The following ATF6 variants were observed in gnomAD, a reference collection of about 807,000 sequenced individuals.
ATF6 encodes activating transcription factor 6, also known as cyclic AMP-dependent transcription factor ATF-6 alpha.
Under a neutral mutation model 83.6 loss-of-function variants are expected in ATF6, and 53 were observed. The ratio of observed to expected loss-of-function variants is 0.63; its 90% CI spans 0.51 to 0.80. The LOEUF (loss-of-function observed/expected upper bound fraction) is 0.80, where lower values mean the gene tolerates loss of function less well. Ranked by LOEUF, ATF6 falls within the 30% of genes least tolerant of loss-of-function variation. ATF6 has a pLI of 0.00. For missense variants in ATF6, 744 were observed against 797.9 expected (o/e 0.93, Z 0.81); for synonymous variants, 288 against 285.8 (o/e 1.01, Z -0.08).
At chr1:161,954,153 A>G (rs999871283) in intron 15 of ATF6, among the ~76,000 whole-genome samples, 4 of 152,152 alleles carry the variant, frequency 2.6e-5, no homozygotes, top group South Asian at 2.1e-4. Context: ...ATTGAAAATT[A>G]TAAGTAAGAA....
At chr1:161,852,776 T>A (rs1003533920) in intron 11 of ATF6, among the ~76,000 whole-genome samples, 2 of 152,164 alleles carry the variant, frequency 1.3e-5, no homozygotes, top group Middle Eastern at 3.4e-3. Context: ...CCATGCCCAG[T>A]TAATTTTTTA....
chr1:161,929,883 C>T (rs1688396727), intron 15 of ATF6, among the ~76,000 whole-genome samples: 1 of 152,172 alleles, frequency 6.6e-6, no homozygotes, highest in Non-Finnish European at 1.5e-5. Context: ...TTGGTCTGTG[C>T]AGGTACAGGC....
At chr1:161,791,151 G>T (rs1352558434) in intron 4 of ATF6, among the ~76,000 whole-genome samples, 11 of 150,724 alleles carry the variant, frequency 7.3e-5, no homozygotes, top group Non-Finnish European at 3.0e-5. Context: ...AGGAAGAAAT[G>T]TAGCAACAGA....
intron 9 of ATF6, among the ~76,000 whole-genome samples, chr1:161,841,010 C>T (rs943093421): frequency 3.3e-5 from 5 of 152,170 alleles, no homozygotes; most frequent in Non-Finnish European, 7.3e-5. Flanking sequence ...ATTCATTATA[C>T]TAATCCTTAC....
intron 7 of ATF6, among the ~76,000 whole-genome samples, chr1:161,818,924 G>A (rs1685682014): frequency 6.6e-6 from 1 of 152,194 alleles, no homozygotes; most frequent in African/African-American, 2.4e-5. Context: ...TGGACAGGAT[G>A]AGATGGAACA....
intron 14 of ATF6, among the ~76,000 whole-genome samples, chr1:161,888,672 C>T (rs1687482943): frequency 6.6e-6 from 1 of 152,186 alleles, no homozygotes; most frequent in Admixed American, 6.5e-5. Flanking sequence ...TCAACCTCAT[C>T]ACCACTGCTT....
chr1:161,937,855 G>A (rs980657728), intron 15 of ATF6, among the ~76,000 whole-genome samples: 3 of 150,494 alleles, frequency 2.0e-5, no homozygotes, highest in Non-Finnish European at 3.0e-5. Flanking sequence ...AAACCTGCAC[G>A]TTCTGCACAT....
At chr1:161,918,800 G>C (rs942860644) in intron 15 of ATF6, among the ~76,000 whole-genome samples, 1 of 152,154 alleles carries the variant, frequency 6.6e-6, no homozygotes, top group Non-Finnish European at 1.5e-5. Flanking sequence ...ATTTTGGAGA[G>C]GGTGGCAAAG....
chr1:161,874,825 C>T (rs1316060759), intron 14 of ATF6, among the ~76,000 whole-genome samples: 1 of 151,660 alleles, frequency 6.6e-6, no homozygotes, highest in Non-Finnish European at 1.5e-5. Flanking sequence ...ATAATCTAAA[C>T]CACAGCCATG....
At chr1:161,933,805 C>G (rs139618606) in intron 15 of ATF6, among the ~76,000 whole-genome samples, 4 of 152,336 alleles carry the variant, frequency 2.6e-5, no homozygotes, top group Admixed American at 6.5e-5. Context: ...ACCTTCCACT[C>G]CAGCACAGTT....
intron 15 of ATF6, among the ~76,000 whole-genome samples, chr1:161,917,958 A>G (rs895189014): frequency 6.6e-6 from 1 of 152,210 alleles, no homozygotes; most frequent in African/African-American, 2.4e-5. Context: ...CAACCACTAT[A>G]TAGCAGAGCC....
Position 161,918,116 on chromosome 1 carries a change from G to A in ATF6, c.1804+5736G>A, listed in dbSNP as rs529596697. Among the ~76,000 whole-genome samples, 45 of 152,218 alleles carry A rather than the reference G, an allele frequency of 3.0e-4. 1 individual carries two copies. In the South Asian group the frequency reaches 9.3e-3, roughly 32 times the overall value. ...ATTTTATTCCTACACTATAAGGTGG[G>A]AAAGATTCATTGGGAGCAGTATAAC... is the stretch of plus-strand genomic sequence containing the variant. On this transcript the variant is annotated intron_variant, in intron 15 of 15. Coordinates refer to ENST00000367942, the MANE Select transcript of ATF6 (RefSeq NM_007348.4).
At chr1:161,889,384 T>A (rs1431541991) in intron 14 of ATF6, among the ~76,000 whole-genome samples, 1 of 152,232 alleles carries the variant, frequency 6.6e-6, no homozygotes, top group Admixed American at 6.5e-5. Context: ...CTGCTGTCGC[T>A]TCCCTTCCAC....
In ATF6 at chr1:161,792,221, A is replaced by T. The variant is rs1285206571; in HGVS notation, c.582A>T (p.Thr194=). 2 of 1,614,196 alleles carry T rather than the reference A, an allele frequency of 1.2e-6. No homozygotes were observed. Among genetic ancestry groups the T allele is most frequent in the East Asian group, 4.5e-5 (2 of 44,888 alleles). Residue 194 remains threonine, a synonymous_variant, in exon 6 of 16, where the codon ACA becomes ACT. Coordinates refer to ENST00000367942, the MANE Select transcript of ATF6 (RefSeq NM_007348.4). ...TTCCAGCAGCACCCAAGACTCAAAC[A>T]AACTCCAGTGTTCCAGCAAAAACCA... ...LLLPAAPKTQ[T]NSSVPAKTII...
At chr1:161,775,246 G>T (rs958109721) in intron 1 of ATF6, among the ~76,000 whole-genome samples, 2 of 152,118 alleles carry the variant, frequency 1.3e-5, no homozygotes, top group African/African-American at 4.8e-5. Context: ...GTATCTTCTA[G>T]GTTTCACCAC....
intron 15 of ATF6, among the ~76,000 whole-genome samples, chr1:161,944,915 T>A (rs993121329): frequency 6.6e-6 from 1 of 152,194 alleles, no homozygotes; most frequent in African/African-American, 2.4e-5. Flanking sequence ...CCATTGGTTA[T>A]CCAGCTCTAT....
chr1:161,836,764 G>A (rs761049570), intron 9 of ATF6, among the ~76,000 whole-genome samples: 6 of 152,248 alleles, frequency 3.9e-5, no homozygotes, highest in Admixed American at 6.5e-5. Flanking sequence ...GCATCCTAGT[G>A]GCTTTACCTT....
At position 161,766,426 on chromosome 1, in the gene ATF6, G is replaced by A. The variant is rs546282261; in HGVS notation, c.66G>A (p.Arg22=). Residue 22 remains arginine (R), a synonymous_variant, in exon 1 of 16, where the codon AGG becomes AGA. Transcript: ENST00000367942. ...ESPFSPGLFH[R]LDEDWDSALF... is the part of the protein sequence containing the mutation. ...CTTTTAGCCCGGGACTCTTTCACAGGCTGGATGAAGATTGGGGTGAGTGGG... is the reference window on the plus strand; with the variant it reads ...CTTTTAGCCCGGGACTCTTTCACAGACTGGATGAAGATTGGGGTGAGTGGG... 24 of 1,613,312 alleles carry A rather than the reference G, an allele frequency of 1.5e-5. No individual in the cohort carries two copies. In the East Asian group the frequency reaches 4.7e-4, roughly 31 times the overall value.
intron 9 of ATF6, among the ~76,000 whole-genome samples, chr1:161,832,204 C>G (rs1231643424): frequency 6.6e-6 from 1 of 151,872 alleles, no homozygotes; most frequent in Non-Finnish European, 1.5e-5. Context: ...TTGGCCAGAA[C>G]ATTTTGAAAA....
Sources: allele counts gnomAD v4.1 joint callset (sites outside exome capture counted in the v4.1 genomes callset), GRCh38; gene constraint gnomAD v4.1.1; transcripts MANE v1.5; gene names NCBI Gene and HGNC (gene_info 2026-07-23, HGNC 2026-07-21).